MLIP: variants seen among roughly 807,000 people sequenced by gnomAD.
MLIP encodes the protein muscular LMNA-interacting protein.
In MLIP, 79 loss-of-function variants were observed where a neutral mutation model predicts 84.8. That is an observed-to-expected ratio of 0.93 (90% CI 0.78 to 1.12). The LOEUF (loss-of-function observed/expected upper bound fraction) is 1.12, where lower values mean the gene tolerates loss of function less well. Among genes scored for constraint, MLIP ranks in the 50% most tolerant of loss-of-function variants. The pLI is 0.00. For missense variants in MLIP, 1,257 were observed against 1,160.6 expected (o/e 1.08, Z -1.21); for synonymous variants, 504 against 463.0 (o/e 1.09, Z -1.14).
At chr6:54,121,325 A>C in intron 1 of MLIP, 122 bp from the exon 2 acceptor site, 1 of 1,007,182 alleles carries the variant, frequency 9.9e-7, no homozygotes, top group Non-Finnish European at 1.5e-6. Flanking sequence ...AGCCATATAC[A>C]TGATCACAGG....
chr6:54,164,004 C>T (rs866383500), intron 8 of MLIP, among the ~76,000 whole-genome samples: 17 of 151,890 alleles, frequency 1.1e-4, no homozygotes, highest in Admixed American at 1.1e-3. Context: ...AACATACTTA[C>T]GAAGTATTTT....
At chr6:54,036,159 C>T (rs1400507377) in intron 1 of MLIP, among the ~76,000 whole-genome samples, 1 of 151,728 alleles carries the variant, frequency 6.6e-6, no homozygotes, top group Non-Finnish European at 1.5e-5. Context: ...TAATACTACC[C>T]ATGTCAAAGG....
chr6:54,259,821 T>C (rs1286755592), intron 13 of MLIP, among the ~76,000 whole-genome samples: 1 of 151,878 alleles, frequency 6.6e-6, no homozygotes, highest in East Asian at 1.9e-4. Context: ...TTTGGAGCAA[T>C]TTAGCAACTT....
At chr6:54,072,110 C>G (rs1421346427) in intron 1 of MLIP, among the ~76,000 whole-genome samples, 1 of 152,104 alleles carries the variant, frequency 6.6e-6, no homozygotes, top group Non-Finnish European at 1.5e-5. Context: ...CAGCTGATTC[C>G]AGTGACCCCC....
intron 12 of MLIP, among the ~76,000 whole-genome samples, chr6:54,246,580 A>C (rs894355217): frequency 4.6e-5 from 7 of 151,984 alleles, no homozygotes; most frequent in Non-Finnish European, 8.8e-5. Context: ...ATCTTGAGAC[A>C]TTTCTCTTAA....
chr6:54,076,252 A>G (rs548166184), intron 1 of MLIP, among the ~76,000 whole-genome samples: 1 of 152,284 alleles, frequency 6.6e-6, no homozygotes, highest in African/African-American at 2.4e-5. Flanking sequence ...GCCCTTTATC[A>G]TAATCTCTAT....
chr6:54,170,539 T>G (rs2150594768), intron 9 of MLIP, among the ~76,000 whole-genome samples: 1 of 151,620 alleles, frequency 6.6e-6, no homozygotes, highest in East Asian at 2.0e-4. Context: ...TTGGAAGCCA[T>G]TTGGAGTAAT....
chr6:54,042,227 A>G lies in MLIP; in HGVS notation c.63+23136A>G, dbSNP rs545997973. On this transcript the variant is annotated intron_variant, in intron 1 of 12. Coordinates refer to the MLIP transcript ENST00000274897. Reference sequence around the variant, plus strand: ...GAATAAAACTGAAAAGACTCTCCCTAGATGTAATAAATGTTGTCTGGACTA... The same window carrying G: ...GAATAAAACTGAAAAGACTCTCCCTGGATGTAATAAATGTTGTCTGGACTA... 2.6e-5 allele frequency among the ~76,000 whole-genome samples: 4 copies of G among 152,198 alleles called. No homozygotes were observed. In the East Asian group the frequency reaches 5.8e-4, roughly 22 times the overall value.
chr6:54,154,991 C>T (rs1773867156), intron 5 of MLIP, among the ~76,000 whole-genome samples: 1 of 151,996 alleles, frequency 6.6e-6, no homozygotes, highest in Non-Finnish European at 1.5e-5. Flanking sequence ...GGGTTTGAAA[C>T]TGGTTGGAAT....
At chr6:54,114,101 A>G (rs1304782770) in intron 1 of MLIP, among the ~76,000 whole-genome samples, 1 of 152,180 alleles carries the variant, frequency 6.6e-6, no homozygotes, top group African/African-American at 2.4e-5. Flanking sequence ...GCCTTTTAAA[A>G]TCTTCCTTAA....
intron 1 of MLIP, among the ~76,000 whole-genome samples, chr6:54,025,349 T>C (rs181481069): frequency 7.0e-4 from 106 of 152,300 alleles, no homozygotes; most frequent in South Asian, 2.3e-3. Context: ...TTCTGATCTA[T>C]ATGTTATTCC....
At chr6:54,125,849 A>G (rs565038194) in intron 3 of MLIP, among the ~76,000 whole-genome samples, 71 of 152,184 alleles carry the variant, frequency 4.7e-4, no homozygotes, top group African/African-American at 1.6e-3. Context: ...GACAGGACCA[A>G]TGCAAAATGG....
chr6:54,102,011 T>A (rs966815054), intron 1 of MLIP, among the ~76,000 whole-genome samples: 2 of 152,110 alleles, frequency 1.3e-5, no homozygotes, highest in African/African-American at 4.8e-5. Flanking sequence ...CCTGGCTGGC[T>A]ACTGCGTTGT....
chr6:54,024,720 A>T (rs1417121947), intron 1 of MLIP, among the ~76,000 whole-genome samples: 1 of 152,218 alleles, frequency 6.6e-6, no homozygotes, highest in Admixed American at 6.5e-5. Context: ...CAAACCATTG[A>T]CACCTCAGTT....
chr6:54,158,238 G>A (rs543976247), intron 5 of MLIP, among the ~76,000 whole-genome samples: 1 of 152,012 alleles, frequency 6.6e-6, no homozygotes, highest in Non-Finnish European at 1.5e-5. Flanking sequence ...CTCAGAATGG[G>A]AATAAAGAAA....
At chr6:54,107,809 T>C (rs1448053397), upstream of MLIP, among the ~76,000 whole-genome samples, 1 of 152,184 alleles carries the variant, frequency 6.6e-6, no homozygotes, top group African/African-American at 2.4e-5. Flanking sequence ...TGGCACTCAA[T>C]AGATGTTTAT....
At chr6:54,126,524 C>T (rs766867088) in intron 3 of MLIP, among the ~76,000 whole-genome samples, 1 of 151,546 alleles carries the variant, frequency 6.6e-6, no homozygotes, top group Non-Finnish European at 1.5e-5. Flanking sequence ...ATACTAGATC[C>T]TAAAGTGTTT....
In MLIP at chr6:54,238,820, A is replaced by T. The variant is rs547140132; in HGVS notation, c.2922+7903A>T. Among the ~76,000 whole-genome samples, 29 of 150,118 alleles carry T rather than the reference A, an allele frequency of 1.9e-4. 1 individual carries two copies. In the South Asian group the frequency reaches 4.4e-3, roughly 23 times the overall value. ...CTTGAGGATATTTTTTCTTTCATTT[A>T]AAAAAAAATTATTTCATGCCAAGTT... On this transcript the variant is annotated intron_variant, in intron 12 of 13. Transcript: ENST00000502396.
chr6:54,192,002 T>C lies in MLIP; in HGVS notation c.2589+2088T>C, dbSNP rs539754168. Among the ~76,000 whole-genome samples, 11 of 150,936 alleles carry C rather than the reference T, an allele frequency of 7.3e-5. No individual in the cohort carries two copies. In the South Asian group the frequency reaches 1.9e-3, roughly 26 times the overall value. On this transcript the variant is annotated intron_variant, in intron 10 of 13. Coordinates refer to ENST00000502396, the MANE Select transcript of MLIP (RefSeq NM_001281747.2). ...AGTGGCAAATATATATATGTGTATATATATATATAATGATTTTATAAAATA... is the reference window on the plus strand; with the variant it reads ...AGTGGCAAATATATATATGTGTATACATATATATAATGATTTTATAAAATA...
Sources: gnomAD v4.1 joint callset for allele counts (sites outside exome capture counted in the v4.1 genomes callset) on GRCh38, gnomAD v4.1.1 for gene constraint, MANE v1.5 for transcripts, NCBI Gene and HGNC (gene_info 2026-07-23, HGNC 2026-07-21) for gene names.